The following ADK variants were observed in gnomAD, a reference collection of about 807,000 sequenced individuals.
ADK encodes N6,N6-dimethyladenosine kinase.
ADK carries 24 observed loss-of-function variants against 44.7 expected under a neutral mutation model. That is an observed-to-expected ratio of 0.54 (90% CI 0.39 to 0.76). The LOEUF (loss-of-function observed/expected upper bound fraction) is 0.76, where lower values mean the gene tolerates loss of function less well. Ranked by LOEUF, ADK falls within the 30% of genes least tolerant of loss-of-function variation. The pLI, the probability that ADK is intolerant of heterozygous loss-of-function variation, is 0.00. For synonymous variants in ADK, 128 were observed against 142.6 expected, an observed-to-expected ratio of 0.90 and a Z score of 0.73; for missense variants, 321 against 425.1, an observed-to-expected ratio of 0.76 and a Z score of 2.15.
chr10:74,609,515 C>T (rs906035895), intron 9 of ADK, among the ~76,000 whole-genome samples: 1 of 152,140 alleles, frequency 6.6e-6, no homozygotes, highest in Non-Finnish European at 1.5e-5. Context: ...CCTTGCACTT[C>T]CCCGGTAAGG....
chr10:74,438,069 T>C (rs1445155767), intron 6 of ADK, among the ~76,000 whole-genome samples: 2 of 152,168 alleles, frequency 1.3e-5, no homozygotes, highest in Non-Finnish European at 2.9e-5. Context: ...GCTTTCCCTG[T>C]TCCTCCATGA....
intron 6 of ADK, among the ~76,000 whole-genome samples, chr10:74,494,716 G>A (rs1486607582): frequency 1.3e-5 from 2 of 151,934 alleles, no homozygotes; most frequent in South Asian, 2.1e-4. Context: ...AGGCTGGAGT[G>A]CAGTGGCATG....
chr10:74,211,387 C>T (rs1843806537), intron 2 of ADK, among the ~76,000 whole-genome samples: 1 of 152,022 alleles, frequency 6.6e-6, no homozygotes, highest in South Asian at 2.1e-4. Flanking sequence ...TTTAGGTATT[C>T]TTCTATTATC....
At chr10:74,363,198 T>C (rs554009795) in intron 4 of ADK, among the ~76,000 whole-genome samples, 2 of 152,262 alleles carry the variant, frequency 1.3e-5, no homozygotes, top group South Asian at 2.1e-4. Flanking sequence ...ATGGATCCAG[T>C]TGGGCGTGTG....
At chr10:74,507,223 C>T (rs1040463281) in intron 6 of ADK, among the ~76,000 whole-genome samples, 1 of 152,108 alleles carries the variant, frequency 6.6e-6, no homozygotes, top group African/African-American at 2.4e-5. Context: ...GTTTCAGATT[C>T]TCTGAATTTG....
chr10:74,343,394 G>C (rs2131881223), intron 4 of ADK, among the ~76,000 whole-genome samples: 1 of 152,232 alleles, frequency 6.6e-6, no homozygotes, highest in Non-Finnish European at 1.5e-5. Context: ...AGAAAATCAT[G>C]AGAGAAAATG....
intron 2 of ADK, among the ~76,000 whole-genome samples, chr10:74,220,056 G>A (rs889343994): frequency 6.0e-5 from 9 of 151,204 alleles, no homozygotes; most frequent in East Asian, 3.9e-4. Context: ...ACAAAAAACC[G>A]TTCAAAAAAT....
intron 4 of ADK, among the ~76,000 whole-genome samples, chr10:74,343,825 T>TG (rs1841667951): frequency 6.6e-6 from 1 of 152,088 alleles, no homozygotes; most frequent in Non-Finnish European, 1.5e-5. Flanking sequence ...GCCAGGCTGG[T>TG]CTCTAATTCC....
At chr10:74,543,758 T>C (rs1429604794) in intron 7 of ADK, among the ~76,000 whole-genome samples, 1 of 152,204 alleles carries the variant, frequency 6.6e-6, no homozygotes, top group African/African-American at 2.4e-5. Flanking sequence ...TTTCAAATAC[T>C]TAGTTGAACC....
chr10:74,569,484 TG>T (rs1267286675), intron 7 of ADK, among the ~76,000 whole-genome samples: 2 of 152,222 alleles, frequency 1.3e-5, no homozygotes, highest in Non-Finnish European at 2.9e-5. Context: ...TGGTGTGAGA[TG>T]GTATCTCATT....
intron 4 of ADK, chr10:74,344,725 G>A (rs12255345): frequency 2.9e-5 from 5 of 172,880 alleles, no homozygotes; most frequent in African/African-American, 1.2e-4. Flanking sequence ...CCAAAAAGCA[G>A]ATTTCTGCAA....
At chr10:74,421,622 GT>G (rs1844559263) in intron 6 of ADK, among the ~76,000 whole-genome samples, 1 of 152,264 alleles carries the variant, frequency 6.6e-6, no homozygotes, top group African/African-American at 2.4e-5. Flanking sequence ...ATCCTGGTTT[GT>G]AAATCCTATT....
chr10:74,594,730 A>G (rs904725290), intron 8 of ADK, among the ~76,000 whole-genome samples: 2 of 152,038 alleles, frequency 1.3e-5, no homozygotes, highest in Admixed American at 6.5e-5. Flanking sequence ...CAATGTGATC[A>G]CCAATGACAA....
intron 10 of ADK, among the ~76,000 whole-genome samples, chr10:74,672,797 T>C (rs1306185148): frequency 6.6e-6 from 1 of 152,212 alleles, no homozygotes; most frequent in South Asian, 2.1e-4. Flanking sequence ...ACTAATTTAG[T>C]GTTCACAAAA....
intron 6 of ADK, among the ~76,000 whole-genome samples, chr10:74,522,914 T>G (rs1848894756): frequency 6.6e-6 from 1 of 152,154 alleles, no homozygotes; most frequent in Non-Finnish European, 1.5e-5. Flanking sequence ...GCAAAATCTT[T>G]CCAACTTTCC....
chr10:74,655,778 T>C (rs985766941), intron 9 of ADK: 11 of 496,492 alleles, frequency 2.2e-5, no homozygotes, highest in African/African-American at 2.2e-4. Flanking sequence ...GCCACCCACC[T>C]ATCCAGGACA....
At chr10:74,670,341 G>A in intron 10 of ADK, 72 bp downstream of exon 10, 3 of 1,158,224 alleles carry the variant, frequency 2.6e-6, no homozygotes, top group African/African-American at 1.5e-5. Flanking sequence ...ATATAACCAA[G>A]ATTTATTCAT....
At chr10:74,220,382 C>T (rs1170596437) in intron 2 of ADK, among the ~76,000 whole-genome samples, 2 of 152,134 alleles carry the variant, frequency 1.3e-5, no homozygotes, top group Admixed American at 1.3e-4. Context: ...TAATCAATAG[C>T]TTACCAACCA....
Position 74,278,784 on chromosome 10 carries a change from C to T in ADK, c.195-35883C>T, listed in dbSNP as rs190447161. Among the ~76,000 whole-genome samples, 401 of 152,292 alleles carry T rather than the reference C, an allele frequency of 2.6e-3. 1 individual carries two copies. The highest frequency in any genetic ancestry group is 0.015 in the South Asian group (70 of 4,824). On this transcript the variant is annotated intron_variant, in intron 3 of 10. Transcript: ENST00000539909. ...AACTTGTGGCCTCAAGCGATCTTCC[C>T]GTCTTAGCCTCCTGAGTAGCTGGGA... is the stretch of plus-strand genomic sequence containing the variant.
Sources: allele counts gnomAD v4.1 joint callset (sites outside exome capture counted in the v4.1 genomes callset), GRCh38; gene constraint gnomAD v4.1.1; transcripts MANE v1.5; gene names NCBI Gene and HGNC (gene_info 2026-07-23, HGNC 2026-07-21).